CLEC4E: variants seen among roughly 807,000 people sequenced by gnomAD.
CLEC4E encodes C-type lectin domain family 4 member E.
In CLEC4E, 21 loss-of-function variants were observed where a neutral mutation model predicts 24.7. The observed-to-expected ratio is 0.85, with a 90% CI of 0.60 to 1.22. The LOEUF (loss-of-function observed/expected upper bound fraction) is 1.22, where lower values mean the gene tolerates loss of function less well. Ranked by LOEUF, CLEC4E falls within the 50% of genes most tolerant of loss-of-function variation. CLEC4E has a pLI of 0.00. For synonymous variants in CLEC4E, 94 were observed against 85.7 expected, an observed-to-expected ratio of 1.10 and a Z score of -0.54; for missense variants, 249 against 254.1, an observed-to-expected ratio of 0.98 and a Z score of 0.14.
rs1940584869 is a variant in CLEC4E at position 8,534,542 on chromosome 12, T to C, written c.*96A>G. On this transcript the variant is annotated 3_prime_UTR_variant, in exon 6 of 6. Coordinates refer to ENST00000299663, the MANE Select transcript of CLEC4E (RefSeq NM_014358.4). ...AGAGTAACAAATACTTATGAAGTCC[T>C]TTGAAGTTCAGCGCACAAATTTCTC... 9 of 843,702 alleles carry C rather than the reference T, an allele frequency of 1.1e-5. No homozygotes were observed. The highest frequency in any genetic ancestry group is 1.7e-5 in the Non-Finnish European group (9 of 534,428). 52.3% of individuals were successfully genotyped at this position (843,702 alleles called of 1,614,324 possible).
At chr12:8,536,054 G>A in intron 5 of CLEC4E, 36 bp downstream of exon 5, 1 of 1,231,300 alleles carries the variant, frequency 8.1e-7, no homozygotes, top group Non-Finnish European at 1.2e-6. Context: ...AACAGAAGGA[G>A]GTTTCAAGAA....
Position 8,533,400 on chromosome 12 carries a change from G to C in CLEC4E, c.*1238C>G, listed in dbSNP as rs970302815. ...TTCTACCATAAAGACACATGCACAC[G>C]AATGTTCATTGCAGCACTATTCACA... On this transcript the variant is annotated 3_prime_UTR_variant, in exon 6 of 6. Transcript: ENST00000299663. The C allele has an allele frequency of 6.6e-6, 1 of 152,126 alleles. No individual in the cohort carries two copies. The highest frequency in any genetic ancestry group is 1.5e-5 in the Non-Finnish European group (1 of 68,030). The allele number at this position is 152,126 out of a possible 1,614,324, so 9.4% of individuals were successfully genotyped here.
chr12:8,536,683 C>A (rs1053753531), intron 4 of CLEC4E, among the ~76,000 whole-genome samples: 3 of 151,912 alleles, frequency 2.0e-5, no homozygotes, highest in Non-Finnish European at 2.9e-5. Context: ...AAAAAATAAC[C>A]TTCAACAGAA....
chr12:8,540,892 C>T lies in CLEC4E; in HGVS notation c.-95G>A, dbSNP rs1940692787. On this transcript the variant is annotated 5_prime_UTR_variant, in exon 1 of 6. Transcript: ENST00000299663. ...TCAGGAGTGTTTTGTTGGTAAGATT[C>T]AGGGAGAATGAATCTTGAAAGATAA... The T allele has an allele frequency of 1.2e-6, 1 of 835,800 alleles. No individual in the cohort carries two copies. The highest frequency in any genetic ancestry group is 1.4e-5 in the South Asian group (1 of 73,584). The allele number at this position is 835,800 out of a possible 1,614,324, so 51.8% of individuals were successfully genotyped here.
chr12:8,534,615 C>T lies in CLEC4E; in HGVS notation c.*23G>A. On this transcript the variant is annotated 3_prime_UTR_variant, in exon 6 of 6. Transcript: ENST00000299663. ...ATGTTCTTGCTCTTCCTTCTTTACA[C>T]ATTTGAGTTGTGCCTTCTGTTCTTA... is the stretch of plus-strand genomic sequence containing the variant. 1 of 1,597,404 alleles carries T rather than the reference C, an allele frequency of 6.3e-7. No individual in the cohort carries two copies. Among genetic ancestry groups the T allele is most frequent in the Non-Finnish European group, 8.6e-7 (1 of 1,168,608 alleles).
chr12:8,536,016 C>A (rs1940607171), intron 5 of CLEC4E, 74 bp downstream of exon 5: 1 of 843,596 alleles, frequency 1.2e-6, no homozygotes, highest in African/African-American at 1.7e-5. Context: ...AATACCACCA[C>A]CAATAATGGA....
At chr12:8,536,051 G>A (rs982253697) in intron 5 of CLEC4E, 39 bp downstream of exon 5, 1 of 1,176,348 alleles carries the variant, frequency 8.5e-7, no homozygotes, top group African/African-American at 1.5e-5. Flanking sequence ...GGTAACAGAA[G>A]GAGGTTTCAA....
At chr12:8,535,509 G>A (rs186592912) in intron 5 of CLEC4E, among the ~76,000 whole-genome samples, 4 of 152,086 alleles carry the variant, frequency 2.6e-5, no homozygotes, top group South Asian at 2.1e-4. Context: ...AAACCACCAC[G>A]GCACACGTTT....
intron 4 of CLEC4E, among the ~76,000 whole-genome samples, chr12:8,536,789 T>G (rs1439250830): frequency 2.0e-5 from 3 of 152,202 alleles, no homozygotes; most frequent in African/African-American, 7.2e-5. Flanking sequence ...TAATCACAGC[T>G]TAAAGAAAAC....
intron 1 of CLEC4E, among the ~76,000 whole-genome samples, chr12:8,540,273 C>T (rs1001168363): frequency 7.9e-5 from 12 of 152,148 alleles, no homozygotes; most frequent in African/African-American, 2.9e-4. Flanking sequence ...TACAATTTTT[C>T]CTTTCTAAGT....
rs1940693014 is a variant in CLEC4E at position 8,540,903 on chromosome 12, A to C, written c.-106T>G. 2 of 789,994 alleles carry C rather than the reference A, an allele frequency of 2.5e-6. No homozygotes were observed. The highest frequency in any genetic ancestry group is 1.7e-5 in the African/African-American group (1 of 58,666). 48.9% of individuals were successfully genotyped at this position (789,994 alleles called of 1,614,324 possible). A position where few individuals can be genotyped will look rare whatever the true frequency, so the allele number is the denominator to read the frequency against. On this transcript the variant is annotated 5_prime_UTR_variant, in exon 1 of 6. It adds an upstream start codon to the 5' untranslated region. Transcript: ENST00000299663. ...TTGTTGGTAAGATTCAGGGAGAATGAATCTTGAAAGATAAACACTTTGTCT... is the reference window on the plus strand; with the variant it reads ...TTGTTGGTAAGATTCAGGGAGAATGCATCTTGAAAGATAAACACTTTGTCT...
intron 3 of CLEC4E, among the ~76,000 whole-genome samples, chr12:8,538,077 T>A (rs902942760): frequency 6.6e-6 from 1 of 152,186 alleles, no homozygotes; most frequent in East Asian, 1.9e-4. Flanking sequence ...TAGCGTTAAG[T>A]GTCAAGGGAA....
chr12:8,539,724 T>C (rs1940670082), intron 2 of CLEC4E, 131 bp downstream of exon 2: 2 of 667,792 alleles, frequency 3.0e-6, no homozygotes, highest in African/African-American at 3.6e-5. Context: ...ACCTAGAGAT[T>C]AATAGGGAAA....
chr12:8,539,030 G>C (rs750392433), intron 3 of CLEC4E, 187 bp downstream of exon 3: 2 of 489,202 alleles, frequency 4.1e-6, no homozygotes, highest in Non-Finnish European at 7.2e-6. Flanking sequence ...TATTCTAAAA[G>C]TTTACTATAA....
chr12:8,535,622 C>G (rs1046458035), intron 5 of CLEC4E, among the ~76,000 whole-genome samples: 1 of 152,006 alleles, frequency 6.6e-6, no homozygotes, highest in African/African-American at 2.4e-5. Flanking sequence ...TCATGAGAAT[C>G]AACATATATA....
chr12:8,538,799 A>G (rs1940653884), intron 3 of CLEC4E, among the ~76,000 whole-genome samples: 1 of 152,210 alleles, frequency 6.6e-6, no homozygotes, highest in Non-Finnish European at 1.5e-5. Flanking sequence ...AGCTCAGAGA[A>G]GGAAGTCACT....
Position 8,536,148 on chromosome 12 carries a change from G to T in CLEC4E, c.430C>A (p.Gln144Lys). 8.1e-6 allele frequency: 13 copies of T among 1,613,216 alleles called. No homozygotes were observed. Among genetic ancestry groups the T allele is most frequent in the Non-Finnish European group, 1.0e-5 (12 of 1,179,490 alleles). ...CATTGCCACTGACCCTCGACAACCT[G>T]GTCTGACAGTCCAATAAAAAACTCT... ...MREFFIGLSD[Q>K]VVEGQWQWVD... Residue 144 changes from glutamine to lysine, a missense_variant, in exon 5 of 6, where the codon CAG becomes AAG. Gln to Lys is a moderately conservative substitution (Grantham distance 53). Coordinates refer to ENST00000299663, the MANE Select transcript of CLEC4E (RefSeq NM_014358.4).
intron 4 of CLEC4E, among the ~76,000 whole-genome samples, chr12:8,536,912 A>G (rs1005469523): frequency 1.3e-5 from 2 of 152,242 alleles, no homozygotes; most frequent in African/African-American, 2.4e-5. Flanking sequence ...GGAACTCCAC[A>G]TGGAAATTCC....
chr12:8,540,190 T>C (rs1444224400), intron 1 of CLEC4E, among the ~76,000 whole-genome samples: 2 of 152,192 alleles, frequency 1.3e-5, no homozygotes, highest in Non-Finnish European at 2.9e-5. Flanking sequence ...TCCCAGGGGC[T>C]ACTGCTGCTG....
Sources: gnomAD v4.1 joint callset for allele counts (sites outside exome capture counted in the v4.1 genomes callset) on GRCh38, gnomAD v4.1.1 for gene constraint, MANE v1.5 for transcripts, NCBI Gene and HGNC (gene_info 2026-07-23, HGNC 2026-07-21) for gene names.